Variants in IVNS1ABP observed in about 807,000 individuals in gnomAD.
IVNS1ABP encodes the protein influenza virus NS1A-binding protein.
A neutral mutation model predicts 78.9 loss-of-function variants in IVNS1ABP; 25 were observed. The observed-to-expected ratio is 0.32, with a 90% CI of 0.23 to 0.44. The LOEUF (loss-of-function observed/expected upper bound fraction) is 0.44, where lower values mean the gene tolerates loss of function less well. IVNS1ABP is among the 20% of genes least tolerant of loss of function. The pLI, the probability that IVNS1ABP is intolerant of heterozygous loss-of-function variation, is 1.00. For missense variants in IVNS1ABP, 494 were observed against 768.9 expected (o/e 0.64, Z 4.23); for synonymous variants, 241 against 259.7 (o/e 0.93, Z 0.69).
intron 1 of IVNS1ABP, among the ~76,000 whole-genome samples, chr1:185,314,409 G>A (rs1470321959): frequency 6.6e-6 from 1 of 152,150 alleles, no homozygotes; most frequent in East Asian, 1.9e-4. Flanking sequence ...CAGTCAGAAA[G>A]ATAAAACAAG....
Position 185,300,620 on chromosome 1 carries a change from A to C in IVNS1ABP, c.1121-62T>G, listed in dbSNP as rs1046253595. 7.2e-6 allele frequency: 11 copies of C among 1,517,766 alleles called. No individual in the cohort carries two copies. The African/African-American group carries it at 1.1e-4, about 15-fold the overall frequency. 94.0% of individuals were successfully genotyped at this position (1,517,766 alleles called of 1,614,324 possible). A position where few individuals can be genotyped will look rare whatever the true frequency, so the allele number is the denominator to read the frequency against. ...AATATTAAACTGGACCACGGTTTCC[A>C]GTCCTGTAAGTTTAAGAAATCTGCA... On this transcript the variant is annotated intron_variant, in intron 10 of 14. Coordinates refer to ENST00000367498, the MANE Select transcript of IVNS1ABP (RefSeq NM_006469.5).
rs1159975286 is a variant in IVNS1ABP, at chr1:185,297,834, C to G, written c.*201G>C. ...AAATAACCAAAGTCTTAAAAGTACA[C>G]AAAACAGACCTTCATCTTTGCATTC... On this transcript the variant is annotated 3_prime_UTR_variant, in exon 15 of 15. Transcript: ENST00000367498. The G allele has an allele frequency of 1.8e-6, 1 of 548,244 alleles. No individual in the cohort carries two copies. The highest frequency in any genetic ancestry group is 3.2e-6 in the Non-Finnish European group (1 of 313,998). 34.0% of individuals were successfully genotyped at this position (548,244 alleles called of 1,614,324 possible).
intron 10 of IVNS1ABP, 151 bp from the exon 11 acceptor site, chr1:185,300,709 T>TA (rs1370232458): frequency 3.7e-6 from 3 of 808,534 alleles, no homozygotes; most frequent in Non-Finnish European, 5.8e-6. Context: ...TAAGTGCTTG[T>TA]AATAGCTGAA....
At chr1:185,314,527 G>C (rs34627714) in intron 1 of IVNS1ABP, among the ~76,000 whole-genome samples, 25 of 152,210 alleles carry the variant, frequency 1.6e-4, no homozygotes, top group Non-Finnish European at 2.9e-4. Context: ...GATGCATATG[G>C]TAATAGTGGG....
intron 1 of IVNS1ABP, among the ~76,000 whole-genome samples, chr1:185,316,075 T>G (rs1666009464): frequency 6.6e-6 from 1 of 152,230 alleles, no homozygotes; most frequent in South Asian, 2.1e-4. Context: ...GCCTGATACC[T>G]TCCTATCATC....
chr1:185,306,644 A>G, intron 7 of IVNS1ABP: 4 of 1,156,728 alleles, frequency 3.5e-6, no homozygotes, highest in South Asian at 1.8e-5. Context: ...AGATAAATCA[A>G]TGGGGAGGAA....
intron 5 of IVNS1ABP, among the ~76,000 whole-genome samples, chr1:185,308,498 GT>G (rs1665797659): frequency 6.6e-6 from 1 of 152,170 alleles, no homozygotes; most frequent in Admixed American, 6.5e-5. Context: ...GAGGATATAA[GT>G]TATGTGATTA....
intron 1 of IVNS1ABP, among the ~76,000 whole-genome samples, chr1:185,315,662 C>T (rs1665997698): frequency 6.6e-6 from 1 of 152,224 alleles, no homozygotes; most frequent in South Asian, 2.1e-4. Flanking sequence ...CTTTCAGTAT[C>T]TTTAAGACAG....
intron 1 of IVNS1ABP, among the ~76,000 whole-genome samples, chr1:185,314,072 C>G (rs1414829032): frequency 6.6e-6 from 1 of 152,148 alleles, no homozygotes; most frequent in Admixed American, 6.5e-5. Context: ...AAAAGACAAT[C>G]GTTTGAGGGC....
At chr1:185,302,286 G>C (rs369479264) in intron 8 of IVNS1ABP, among the ~76,000 whole-genome samples, 1 of 152,130 alleles carries the variant, frequency 6.6e-6, no homozygotes, top group Non-Finnish European at 1.5e-5. Context: ...CCAAATGATT[G>C]TAAGAGAACT....
chr1:185,307,205 T>C, intron 6 of IVNS1ABP, 66 bp from the exon 7 acceptor site: 2 of 1,568,006 alleles, frequency 1.3e-6, no homozygotes, highest in East Asian at 2.2e-5. Flanking sequence ...TAATTCCCAA[T>C]TTCATAATAA....
At chr1:185,312,460 T>TA (rs1665913167) in intron 1 of IVNS1ABP, among the ~76,000 whole-genome samples, 2 of 152,198 alleles carry the variant, frequency 1.3e-5, no homozygotes, top group African/African-American at 4.8e-5. Flanking sequence ...ATCTAACAAT[T>TA]ACGTCAAAGT....
chr1:185,307,931 G>T, intron 5 of IVNS1ABP: 2 of 1,534,008 alleles, frequency 1.3e-6, no homozygotes, highest in South Asian at 1.2e-5. Context: ...GAATAATTTG[G>T]TAAGGCTTCA....
chr1:185,302,785 AG>A lies in IVNS1ABP; in HGVS notation c.766-1223del, dbSNP rs1020423092. The stretch of plus-strand genomic sequence containing the variant: ...TTACATCATCTCTTTTAGTCCAGTG[AG>A]GGTGATATTATCTACCCATTTTATA... On this transcript the variant is annotated intron_variant, in intron 8 of 14. Transcript: ENST00000367498. 1.6e-4 allele frequency among the ~76,000 whole-genome samples: 24 copies of A among 152,114 alleles called. 1 individual carries two copies.
Position 185,297,881 on chromosome 1 carries a change from G to A in IVNS1ABP, c.*154C>T, listed in dbSNP as rs1571735670. Reference sequence around the variant, plus strand: ...ATTCCTTTCCAAATAAACCCAAAAAGTATGTACAGCATGTTTAATAGTATG... The same window carrying A: ...ATTCCTTTCCAAATAAACCCAAAAAATATGTACAGCATGTTTAATAGTATG... On this transcript the variant is annotated 3_prime_UTR_variant, in exon 15 of 15. Transcript: ENST00000367498. The A allele has an allele frequency of 1.2e-5, 8 of 676,164 alleles. No individual in the cohort carries two copies. The East Asian group carries it at 2.1e-4, about 18-fold the overall frequency. 41.9% of individuals were successfully genotyped at this position (676,164 alleles called of 1,614,324 possible). A position where few individuals can be genotyped will look rare whatever the true frequency, so the allele number is the denominator to read the frequency against.
chr1:185,313,015 T>C (rs1220465367), intron 1 of IVNS1ABP, among the ~76,000 whole-genome samples: 1 of 152,184 alleles, frequency 6.6e-6, no homozygotes, highest in African/African-American at 2.4e-5. Context: ...AATATGAAGG[T>C]ACTATTTTAA....
At chr1:185,299,514 AT>A (rs1665510771) in intron 14 of IVNS1ABP, 195 bp downstream of exon 14, 1 of 603,644 alleles carries the variant, frequency 1.7e-6, no homozygotes, top group African/African-American at 1.9e-5. Flanking sequence ...ATTAAGTTAT[AT>A]ATCAAGTATT....
At chr1:185,314,210 C>CA (rs1665956683) in intron 1 of IVNS1ABP, among the ~76,000 whole-genome samples, 9 of 152,192 alleles carry the variant, frequency 5.9e-5, no homozygotes, top group Admixed American at 5.9e-4. Context: ...AAACCACCAT[C>CA]ACCATCCATG....
chr1:185,315,869 A>T (rs1291146849), intron 1 of IVNS1ABP, among the ~76,000 whole-genome samples: 1 of 152,236 alleles, frequency 6.6e-6, no homozygotes, highest in Admixed American at 6.5e-5. Flanking sequence ...GACACACTCA[A>T]CGAACAGCTT....
Sources: gnomAD v4.1 joint callset for allele counts (sites outside exome capture counted in the v4.1 genomes callset) on GRCh38, gnomAD v4.1.1 for gene constraint, MANE v1.5 for transcripts, NCBI Gene and HGNC (gene_info 2026-07-23, HGNC 2026-07-21) for gene names.